TEX26: variants seen among roughly 807,000 people sequenced by gnomAD.
The protein encoded by TEX26 is testis-expressed protein 26.
A neutral mutation model predicts 35.3 loss-of-function variants in TEX26; 34 were observed. The ratio of observed to expected loss-of-function variants is 0.96; its 90% confidence interval spans 0.73 to 1.28. The LOEUF is 1.28. Among genes scored for constraint, TEX26 ranks in the 50% most tolerant of loss-of-function variants. The pLI is 0.00. For missense variants in TEX26, 371 were observed against 330.1 expected (o/e 1.12, Z -0.96); for synonymous variants, 136 against 111.8 (o/e 1.22, Z -1.36).
chr13:30,953,444 T>G (rs571769809), intron 3 of TEX26, among the ~76,000 whole-genome samples: 4 of 152,370 alleles, frequency 2.6e-5, no homozygotes, highest in South Asian at 2.1e-4. Flanking sequence ...TTTGTCACAG[T>G]TGAATAATAT....
intron 2 of TEX26, among the ~76,000 whole-genome samples, chr13:30,952,454 G>A (rs1448585707): frequency 6.6e-6 from 1 of 151,884 alleles, no homozygotes; most frequent in South Asian, 2.1e-4. Context: ...TTTTATTTTA[G>A]GCATCTGTAC....
intron 1 of TEX26, among the ~76,000 whole-genome samples, chr13:30,938,988 A>G (rs997745889): frequency 6.6e-6 from 1 of 152,220 alleles, no homozygotes; most frequent in African/African-American, 2.4e-5. Flanking sequence ...CAACCATTAC[A>G]AGACATGAAT....
intron 2 of TEX26, among the ~76,000 whole-genome samples, chr13:30,944,272 T>C (rs1266289905): frequency 1.3e-5 from 2 of 152,022 alleles, no homozygotes; most frequent in African/African-American, 4.8e-5. Flanking sequence ...TCTTGAATGA[T>C]CTTTCATAAT....
At chr13:30,974,129 A>ATAT (rs1555271800) in intron 6 of TEX26, among the ~76,000 whole-genome samples, 2 of 79,008 alleles carry the variant, frequency 2.5e-5, no homozygotes, top group East Asian at 3.6e-4. Context: ...TAAAAAAAAA[A>ATAT]AAATATATAT....
intron 2 of TEX26, among the ~76,000 whole-genome samples, chr13:30,947,414 G>T (rs892291376): frequency 2.0e-5 from 3 of 152,064 alleles, no homozygotes; most frequent in African/African-American, 4.8e-5. Context: ...AGGAGTTTTA[G>T]TATAGCAGTG....
At chr13:30,933,938 A>C (rs541009899) in intron 1 of TEX26, 14 of 152,380 alleles carry the variant, frequency 9.2e-5, no homozygotes, top group Non-Finnish European at 1.5e-4. Context: ...TGCTGCATAA[A>C]GGTGCCAACA....
intron 4 of TEX26, among the ~76,000 whole-genome samples, chr13:30,957,286 G>A (rs543139647): frequency 1.3e-5 from 2 of 152,150 alleles, no homozygotes; most frequent in African/African-American, 4.8e-5. Context: ...CTGGCCCAAA[G>A]GATGAAGAGG....
At chr13:30,955,456 T>C (rs534397862) in intron 3 of TEX26, among the ~76,000 whole-genome samples, 4 of 152,186 alleles carry the variant, frequency 2.6e-5, no homozygotes, top group Admixed American at 6.5e-5. Context: ...ATTTTATGTA[T>C]TGGTTTTTCC....
intron 4 of TEX26, among the ~76,000 whole-genome samples, chr13:30,959,835 A>G (rs1334815600): frequency 6.6e-6 from 1 of 152,230 alleles, no homozygotes; most frequent in African/African-American, 2.4e-5. Context: ...AACGAATGAC[A>G]AAAGACTGTC....
chr13:30,957,779 C>T (rs1389127474), intron 4 of TEX26, among the ~76,000 whole-genome samples: 1 of 152,164 alleles, frequency 6.6e-6, no homozygotes, highest in Non-Finnish European at 1.5e-5. Flanking sequence ...ATTGTCTCAC[C>T]AGCACCCACC....
chr13:30,945,149 G>A (rs1438964388), intron 2 of TEX26, among the ~76,000 whole-genome samples: 1 of 151,582 alleles, frequency 6.6e-6, no homozygotes, highest in Non-Finnish European at 1.5e-5. Context: ...TACAAATTTA[G>A]GATTGTAATA....
At chr13:30,972,480 A>C (rs559323596) in intron 6 of TEX26, among the ~76,000 whole-genome samples, 3 of 152,328 alleles carry the variant, frequency 2.0e-5, no homozygotes, top group African/African-American at 4.8e-5. Flanking sequence ...TCTTTGCTAT[A>C]AATTCTTTGG....
chr13:30,950,300 G>A (rs1953870783), intron 2 of TEX26, among the ~76,000 whole-genome samples: 2 of 152,200 alleles, frequency 1.3e-5, no homozygotes, highest in African/African-American at 2.4e-5. Context: ...CAGCTACTCG[G>A]GAGGCTGAGA....
intron 5 of TEX26, among the ~76,000 whole-genome samples, chr13:30,968,539 G>T (rs774839163): frequency 6.6e-6 from 1 of 152,144 alleles, no homozygotes; most frequent in Non-Finnish European, 1.5e-5. Flanking sequence ...AATTTGGGGT[G>T]AAATATTTCA....
intron 2 of TEX26, among the ~76,000 whole-genome samples, chr13:30,942,229 G>T (rs1192500295): frequency 1.3e-5 from 2 of 151,972 alleles, no homozygotes; most frequent in Admixed American, 1.3e-4. Flanking sequence ...CAGGAGTGGG[G>T]TGGTATCTCA....
At chr13:30,965,570 T>C (rs757965975) in intron 4 of TEX26, among the ~76,000 whole-genome samples, 4 of 152,214 alleles carry the variant, frequency 2.6e-5, no homozygotes, top group Non-Finnish European at 4.4e-5. Flanking sequence ...GGATTGTGAC[T>C]CTTGCCTCTG....
intron 2 of TEX26, among the ~76,000 whole-genome samples, chr13:30,942,814 G>T (rs767092656): frequency 1.3e-5 from 2 of 151,816 alleles, no homozygotes; most frequent in Non-Finnish European, 2.9e-5. Flanking sequence ...TTTATTTCTG[G>T]GTTCTCTATT....
In TEX26 at chr13:30,961,449, C is replaced by T. The variant is rs138744854; in HGVS notation, c.469+4420C>T. Among the ~76,000 whole-genome samples, 19 of 152,358 alleles carry T rather than the reference C, an allele frequency of 1.2e-4. 1 individual carries two copies. The highest frequency in any genetic ancestry group is 8.3e-4 in the South Asian group (4 of 4,834). On this transcript the variant is annotated intron_variant, in intron 4 of 6. Transcript: ENST00000380473. ...GTAGTGTGGGTTACCTAGTTCACTT[C>T]TTTGCTATTATTCCCTGCTGCAGTC...
chr13:30,957,323 G>C (rs774960331), intron 4 of TEX26, among the ~76,000 whole-genome samples: 1 of 152,126 alleles, frequency 6.6e-6, no homozygotes, highest in Non-Finnish European at 1.5e-5. Context: ...AGGTAGGGGA[G>C]AGTGTTGTTA....
Sources: gnomAD v4.1 joint callset for allele counts (sites outside exome capture counted in the v4.1 genomes callset) on GRCh38, gnomAD v4.1.1 for gene constraint, MANE v1.5 for transcripts, NCBI Gene and HGNC (gene_info 2026-07-23, HGNC 2026-07-21) for gene names.